Variants in FRMD4A observed in about 807,000 individuals in gnomAD.
The protein encoded by FRMD4A is FERM domain-containing protein 4A.
In FRMD4A, 29 loss-of-function variants were observed where a neutral mutation model predicts 129.1. That is an observed-to-expected ratio of 0.22 (90% CI 0.17 to 0.31). FRMD4A has a LOEUF of 0.31. Among genes scored for constraint, FRMD4A ranks in the 10% least tolerant of loss-of-function variants. The pLI is 1.00. For missense variants in FRMD4A, 1,272 were observed against 1,375.8 expected (o/e 0.92, Z 1.19); for synonymous variants, 634 against 571.6 (o/e 1.11, Z -1.56).
intron 2 of FRMD4A, among the ~76,000 whole-genome samples, chr10:13,911,890 G>C (rs1207099594): frequency 6.6e-6 from 1 of 152,104 alleles, no homozygotes; most frequent in Non-Finnish European, 1.5e-5. Flanking sequence ...GATTCTGCTG[G>C]ACAAGCATAC....
chr10:13,866,800 A>C (rs960285952), intron 2 of FRMD4A, among the ~76,000 whole-genome samples: 3 of 152,230 alleles, frequency 2.0e-5, no homozygotes, highest in African/African-American at 7.2e-5. Context: ...AAAAATACAA[A>C]AATTAGCTAG....
chr10:13,657,309 G>C lies in FRMD4A; in HGVS notation c.2280C>G (p.Tyr760Ter), dbSNP rs1347997738. ...AGTAGTTGGCGTTCATCTGCGCCGG[G>C]TAGTAGTGCTCCGAGCTCGAGTGGC... ...CTSHSSSEHY[Y>*]PAQMNANYST... The change falls in exon 22 of 25, where the codon TAC becomes TAG. Residue 760 changes from tyrosine to a stop codon, truncating the protein, a stop_gained. Transcript: ENST00000357447. LOFTEE classifies it high-confidence loss of function. 1.2e-6 allele frequency: 2 copies of C among 1,611,220 alleles called. No individual in the cohort carries two copies. Among genetic ancestry groups the C allele is most frequent in the Admixed American group, 1.7e-5 (1 of 59,922 alleles).
At chr10:14,262,267 C>G (rs1844832556) in intron 2 of FRMD4A, among the ~76,000 whole-genome samples, 1 of 152,178 alleles carries the variant, frequency 6.6e-6, no homozygotes, top group African/African-American at 2.4e-5. Flanking sequence ...GTTATCTCTT[C>G]TCTTGGCCCC....
intron 2 of FRMD4A, among the ~76,000 whole-genome samples, chr10:13,920,767 G>A (rs950426759): frequency 3.3e-5 from 5 of 152,120 alleles, no homozygotes; most frequent in Non-Finnish European, 5.9e-5. Flanking sequence ...TGTACACATG[G>A]CATGTTTGTT....
At chr10:14,007,207 T>A (rs2095665212) in intron 2 of FRMD4A, 1 of 152,196 alleles carries the variant, frequency 6.6e-6, no homozygotes, top group African/African-American at 2.4e-5. Context: ...ACACCTTAAC[T>A]GAAGACGTCT....
intron 2 of FRMD4A, among the ~76,000 whole-genome samples, chr10:14,321,498 A>G (rs542605979): frequency 1.8e-4 from 28 of 152,096 alleles, no homozygotes; most frequent in Non-Finnish European, 3.5e-4. Context: ...CAACACTGTG[A>G]GAGTATGAAT....
intron 2 of FRMD4A, among the ~76,000 whole-genome samples, chr10:14,130,691 A>G (rs1429119241): frequency 2.0e-5 from 3 of 152,226 alleles, no homozygotes; most frequent in African/African-American, 7.2e-5. Flanking sequence ...CGATGTGATG[A>G]TCATCGTACC....
intron 2 of FRMD4A, among the ~76,000 whole-genome samples, chr10:14,185,778 AC>A (rs1842118078): frequency 2.6e-5 from 4 of 150,946 alleles, no homozygotes; most frequent in Admixed American, 2.6e-4. Context: ...AGCAACAGAT[AC>A]GTACAATCCA....
intron 2 of FRMD4A, among the ~76,000 whole-genome samples, chr10:13,946,154 C>T (rs1472754669): frequency 3.3e-5 from 5 of 152,204 alleles, no homozygotes; most frequent in Non-Finnish European, 7.3e-5. Flanking sequence ...ACCCAGATGC[C>T]TGGGGAGAGC....
chr10:14,298,043 T>G (rs1846065459), intron 2 of FRMD4A, among the ~76,000 whole-genome samples: 1 of 152,260 alleles, frequency 6.6e-6, no homozygotes, highest in Admixed American at 6.5e-5. Context: ...TGCCTGTTTT[T>G]GTAAATAAAG....
At chr10:14,138,232 A>G (rs951142156) in intron 2 of FRMD4A, among the ~76,000 whole-genome samples, 6 of 152,180 alleles carry the variant, frequency 3.9e-5, no homozygotes, top group African/African-American at 1.4e-4. Context: ...TGGTAACACC[A>G]AGGTGACCAA....
At chr10:13,657,609 C>T (rs1370788139) in intron 21 of FRMD4A, 87 bp from the exon 22 acceptor site, 4 of 1,437,102 alleles carry the variant, frequency 2.8e-6, no homozygotes, top group Middle Eastern at 2.5e-4. Flanking sequence ...CTGAGGAGGG[C>T]ACTGGGTGTC....
rs1268889909 is a variant in FRMD4A at position 13,762,695 on chromosome 10, C to G, written c.385-15G>C. On this transcript the variant is annotated splice_polypyrimidine_tract_variant and intron_variant, in intron 6 of 24. Transcript: ENST00000357447. ...TCAATAAGCTCCTGAAAGGAAAAAG[C>G]AACAAACGAAGACAAGTTTGGTATT... The G allele has an allele frequency of 6.3e-7, 1 of 1,580,248 alleles. No individual in the cohort carries two copies. The highest frequency in any genetic ancestry group is 1.4e-5 in the African/African-American group (1 of 74,066).
chr10:14,131,391 A>G (rs1290771669), intron 2 of FRMD4A, among the ~76,000 whole-genome samples: 2 of 140,922 alleles, frequency 1.4e-5, no homozygotes, highest in Non-Finnish European at 3.0e-5. Flanking sequence ...AGCCCAACTC[A>G]CTGTGCCCCC....
intron 2 of FRMD4A, among the ~76,000 whole-genome samples, chr10:14,202,799 ATCTC>A (rs779305606): frequency 1.3e-5 from 2 of 151,486 alleles, no homozygotes; most frequent in African/African-American, 4.8e-5. Context: ...TTGAAACAAG[ATCTC>A]TCTCTGTCAC....
chr10:13,695,139 C>CA (rs1364398812), intron 14 of FRMD4A, among the ~76,000 whole-genome samples: 4 of 146,570 alleles, frequency 2.7e-5, no homozygotes, highest in East Asian at 2.2e-4. Context: ...AGCGGTTTTT[C>CA]AAAAAAAAAT....
At chr10:13,796,393 C>T in intron 5 of FRMD4A, 103 bp downstream of exon 5, 2 of 715,016 alleles carry the variant, frequency 2.8e-6, no homozygotes, top group Non-Finnish European at 5.1e-6. Flanking sequence ...GGCAATGAAC[C>T]AAGACAAACT....
chr10:13,700,969 T>C (rs1176557662), intron 14 of FRMD4A, among the ~76,000 whole-genome samples: 1 of 152,036 alleles, frequency 6.6e-6, no homozygotes, highest in African/African-American at 2.4e-5. Context: ...GATTCCTTTT[T>C]TCTTTTCAAA....
chr10:13,963,674 C>T (rs902192858), intron 2 of FRMD4A, among the ~76,000 whole-genome samples: 1 of 152,200 alleles, frequency 6.6e-6, no homozygotes, highest in Non-Finnish European at 1.5e-5. Flanking sequence ...AGTTCTGTTT[C>T]AAAAGCATAT....
Sources: gnomAD v4.1 joint callset for allele counts (sites outside exome capture counted in the v4.1 genomes callset) on GRCh38, gnomAD v4.1.1 for gene constraint, MANE v1.5 for transcripts, NCBI Gene and HGNC (gene_info 2026-07-23, HGNC 2026-07-21) for gene names.